The following RALGDS variants were observed in gnomAD, a reference collection of about 807,000 sequenced individuals.
RALGDS encodes ral guanine nucleotide exchange factor.
In RALGDS, 44 loss-of-function variants were observed where a neutral mutation model predicts 99.8. The observed-to-expected ratio is 0.44, with a 90% confidence interval of 0.35 to 0.57. The LOEUF (loss-of-function observed/expected upper bound fraction) is 0.57. RALGDS is among the 20% of genes least tolerant of loss of function. The pLI is 0.01. For missense variants in RALGDS, 1,022 were observed against 1,203.1 expected, an observed-to-expected ratio of 0.85 and a Z score of 2.23; for synonymous variants, 529 against 505.0, an observed-to-expected ratio of 1.05 and a Z score of -0.64.
chr9:133,110,290 G>A lies in RALGDS; in HGVS notation c.488+6C>T, dbSNP rs1831281341. On this transcript the variant is annotated splice_donor_region_variant and intron_variant, in intron 3 of 17. Transcript: ENST00000372050. ...GCACCCTGTGCAGTGGAGGGCTCAT[G>A]CTCACCTTTTGAACAGCAGGTCCAG... 2 of 1,612,536 alleles carry A rather than the reference G, an allele frequency of 1.2e-6. No homozygotes were observed. The highest frequency in any genetic ancestry group is 1.7e-6 in the Non-Finnish European group (2 of 1,178,860).
At chr9:133,141,259 TC>T (rs1271050622) in intron 1 of RALGDS, among the ~76,000 whole-genome samples, 1 of 152,130 alleles carries the variant, frequency 6.6e-6, no homozygotes. Flanking sequence ...ATCCCCAAAG[TC>T]CAACCCACTG....
chr9:133,109,807 T>TC lies in RALGDS; in HGVS notation c.489-87dup, dbSNP rs1831252044. 2.9e-6 allele frequency: 3 copies of TC among 1,041,948 alleles called. No individual in the cohort carries two copies. The South Asian group carries it at 3.9e-5, about 14-fold the overall frequency. 64.5% of individuals were successfully genotyped at this position (1,041,948 alleles called of 1,614,324 possible). On this transcript the variant is annotated intron_variant, in intron 3 of 17. Transcript: ENST00000372050. ...CAGGGATTTTTTTTTTTGCTTTTTT[T>TC]CATCAAATTATATTAAATGCCTAGA... is the stretch of plus-strand genomic sequence containing the variant.
chr9:133,133,786 C>T (rs574840945), upstream of RALGDS, among the ~76,000 whole-genome samples: 21 of 152,376 alleles, frequency 1.4e-4, no homozygotes, highest in African/African-American at 4.8e-4. Flanking sequence ...ATGCACCTGG[C>T]CACACACACA....
Position 133,140,829 on chromosome 9 carries a change from C to T in RALGDS, c.18+8134G>A, listed in dbSNP as rs138326002. Among the ~76,000 whole-genome samples, 127 of 152,218 alleles carry T rather than the reference C, an allele frequency of 8.3e-4. 1 individual carries two copies. The highest frequency in any genetic ancestry group is 2.8e-3 in the African/African-American group (117 of 41,534). ...CCGCCCGCCTTCTTGGCGTGGCATCCGGCAAGAACGTGGGCCGGGGCTGCA... is the reference window on the plus strand; with the variant it reads ...CCGCCCGCCTTCTTGGCGTGGCATCTGGCAAGAACGTGGGCCGGGGCTGCA... On this transcript the variant is annotated intron_variant, in intron 1 of 17. Coordinates refer to the RALGDS transcript ENST00000393160.
At chr9:133,135,588 G>A (rs1017766796), upstream of RALGDS, among the ~76,000 whole-genome samples, 1 of 150,924 alleles carries the variant, frequency 6.6e-6, no homozygotes, top group African/African-American at 2.4e-5. Flanking sequence ...ACGTCTAACT[G>A]TAAGGATCCA....
chr9:133,125,156 TAA>T (rs1832108663), upstream of RALGDS, among the ~76,000 whole-genome samples: 1 of 152,226 alleles, frequency 6.6e-6, no homozygotes, highest in Non-Finnish European at 1.5e-5. Context: ...AAAACAACTA[TAA>T]GACATGTGGA....
chr9:133,141,528 AC>A (rs1832522313), intron 1 of RALGDS, among the ~76,000 whole-genome samples: 1 of 151,868 alleles, frequency 6.6e-6, no homozygotes, highest in African/African-American at 2.4e-5. Context: ...CTCAGAGGGG[AC>A]CTGTGCTGCT....
chr9:133,102,708 TGCTGGCCCTCTGGA>T lies in RALGDS; in HGVS notation c.1913+57_1913+70del, dbSNP rs1001920605. On this transcript the variant is annotated intron_variant, in intron 13 of 17. Transcript: ENST00000372050. ...GCTGAGGCTGACCATGGGTCATAGC[TGCTGGCCCTCTGGA>T]GCTGGCCCCCTAGGACAGCCTGCCC... The T allele has an allele frequency of 1.1e-5, 18 of 1,602,834 alleles. No individual in the cohort carries two copies. The Admixed American group carries it at 2.5e-4, about 23-fold the overall frequency.
At chr9:133,105,082 A>G (rs1830951957) in intron 9 of RALGDS, among the ~76,000 whole-genome samples, 1 of 152,128 alleles carries the variant, frequency 6.6e-6, no homozygotes, top group Admixed American at 6.6e-5. Flanking sequence ...TGATCAGGGT[A>G]CCGTCCTCTG....
intron 2 of RALGDS, among the ~76,000 whole-genome samples, chr9:133,111,798 G>A (rs1464753976): frequency 6.6e-6 from 1 of 152,216 alleles, no homozygotes; most frequent in African/African-American, 2.4e-5. Context: ...GGTGAAGACA[G>A]CCCCACTACT....
Position 133,098,442 on chromosome 9 carries a change from A to G in RALGDS, c.*145T>C. The G allele has an allele frequency of 2.3e-6, 2 of 868,154 alleles. No homozygotes were observed. Among genetic ancestry groups the G allele is most frequent in the Non-Finnish European group, 3.6e-6 (2 of 550,912 alleles). The allele number at this position is 868,154 out of a possible 1,614,324, so 53.8% of individuals were successfully genotyped here. On this transcript the variant is annotated 3_prime_UTR_variant, in exon 18 of 18. Coordinates refer to ENST00000372050, the MANE Select transcript of RALGDS (RefSeq NM_006266.4). ...TCAGCCTGACCAATGGCAGGCGTCA[A>G]TCCCAGCAGCGGGAGAGGTTCAGGA... is the stretch of plus-strand genomic sequence containing the variant.
intron 1 of RALGDS, among the ~76,000 whole-genome samples, chr9:133,141,749 T>C (rs1313758757): frequency 1.3e-5 from 2 of 152,238 alleles, no homozygotes; most frequent in Non-Finnish European, 2.9e-5. Flanking sequence ...GCAATGTTTA[T>C]GCACTGAACG....
intron 1 of RALGDS, among the ~76,000 whole-genome samples, chr9:133,140,460 C>T (rs1458704447): frequency 6.6e-6 from 1 of 152,118 alleles, no homozygotes; most frequent in Non-Finnish European, 1.5e-5. Context: ...CAGATGGGCA[C>T]ACCTGACCTC....
chr9:133,132,067 C>T (rs1385100017), upstream of RALGDS, among the ~76,000 whole-genome samples: 1 of 152,242 alleles, frequency 6.6e-6, no homozygotes, highest in Non-Finnish European at 1.5e-5. Context: ...TAGCCTGACT[C>T]CATCCCTGGC....
At chr9:133,120,601 G>A (rs1046782817) in intron 1 of RALGDS, among the ~76,000 whole-genome samples, 3 of 152,168 alleles carry the variant, frequency 2.0e-5, no homozygotes, top group African/African-American at 7.2e-5. Context: ...CTAACGACGC[G>A]CTGCGGGCCC....
chr9:133,098,934 A>C (rs1299119797), intron 17 of RALGDS, 172 bp from the exon 18 acceptor site: 3 of 647,380 alleles, frequency 4.6e-6, no homozygotes, highest in African/African-American at 1.8e-5. Context: ...CTGAGGACAG[A>C]CTCTGCTGAG....
intron 1 of RALGDS, among the ~76,000 whole-genome samples, chr9:133,143,798 T>C (rs369497859): frequency 0.077 from 10,744 of 138,678 alleles, 449 homozygotes; most frequent in Non-Finnish European, 0.092. Context: ...ATAATAATAA[T>C]AATAATAATA....
chr9:133,113,434 G>A (rs1831445114), intron 1 of RALGDS, among the ~76,000 whole-genome samples: 1 of 152,200 alleles, frequency 6.6e-6, no homozygotes, highest in African/African-American at 2.4e-5. Flanking sequence ...CCCACGCTGG[G>A]CTTTGTACAA....
upstream of RALGDS, chr9:133,121,275 T>TG (rs1294480274): frequency 3.6e-5 from 31 of 857,638 alleles, no homozygotes; most frequent in Non-Finnish European, 3.9e-5. Flanking sequence ...GATGTCAGGC[T>TG]GGGGGGCGGG....
Sources: gnomAD v4.1 joint callset for allele counts (sites outside exome capture counted in the v4.1 genomes callset) on GRCh38, gnomAD v4.1.1 for gene constraint, MANE v1.5 for transcripts, NCBI Gene and HGNC (gene_info 2026-07-23, HGNC 2026-07-21) for gene names.